Variants in BRI3 observed in about 807,000 individuals in gnomAD.
BRI3 encodes brain protein I3, also known as membrane protein BRI3.
In BRI3, 6 loss-of-function variants were observed where a neutral mutation model predicts 12.8. The ratio of observed to expected loss-of-function variants is 0.47; its 90% CI spans 0.26 to 0.93. The LOEUF is 0.93. Among genes scored for constraint, BRI3 ranks in the 40% least tolerant of loss-of-function variants. BRI3 has a pLI of 0.15. For synonymous variants in BRI3, 91 were observed against 76.1 expected (o/e 1.20, Z -1.02); for missense variants, 134 against 171.1 (o/e 0.78, Z 1.21).
At chr7:98,303,519 T>G (rs1210661368), upstream of BRI3, among the ~76,000 whole-genome samples, 1 of 152,104 alleles carries the variant, frequency 6.6e-6, no homozygotes, top group African/African-American at 2.4e-5. Context: ...GTGTCAGTGT[T>G]TTTGTTTATT....
rs1800700332 is a variant in BRI3, at chr7:98,307,425, A to C, written n.145-90A>C. 16 of 1,310,278 alleles carry C rather than the reference A, an allele frequency of 1.2e-5. No individual in the cohort carries two copies. In the South Asian group the frequency reaches 2.4e-4, roughly 20 times the overall value. The allele number at this position is 1,310,278 out of a possible 1,614,324, so 81.2% of individuals were successfully genotyped here. A position where few individuals can be genotyped will look rare whatever the true frequency, so the allele number is the denominator to read the frequency against. ...TGGCCAAATGCTAAATTTTTTTTAA[A>C]AACAAAAGAATGTTTAAACTACTTT... On this transcript the variant is annotated intron_variant and non_coding_transcript_variant, in intron 1 of 1. Coordinates refer to the BRI3 transcript ENST00000485422.
chr7:98,286,262 GC>G (rs962087589), intron 2 of BRI3, among the ~76,000 whole-genome samples: 1 of 152,224 alleles, frequency 6.6e-6, no homozygotes, highest in African/African-American at 2.4e-5. Context: ...CCTGCTGCCA[GC>G]CCCCTCTGTC....
chr7:98,282,575 G>C (rs1799562716), intron 2 of BRI3, 122 bp downstream of exon 2: 2 of 775,832 alleles, frequency 2.6e-6, no homozygotes, highest in Non-Finnish European at 4.3e-6. Flanking sequence ...CTTGACCAGA[G>C]CCCTTTATGG....
downstream of BRI3, chr7:98,293,942 C>A (rs1231137888): frequency 1.6e-5 from 17 of 1,068,108 alleles, no homozygotes; most frequent in East Asian, 7.2e-5. Context: ...GGGCTGCACT[C>A]CCCCATGGCT....
At chr7:98,289,207 C>A (rs1473730102) in intron 2 of BRI3, among the ~76,000 whole-genome samples, 1 of 152,218 alleles carries the variant, frequency 6.6e-6, no homozygotes, top group East Asian at 1.9e-4. Context: ...ATCCACCCAC[C>A]TCGGCCTCCC....
chr7:98,315,289 T>TG (rs1309869832), downstream of BRI3, among the ~76,000 whole-genome samples: 1 of 148,662 alleles, frequency 6.7e-6, no homozygotes, highest in Non-Finnish European at 1.5e-5. Flanking sequence ...GCCTGGCTAG[T>TG]TTTTTTTTTA....
intron 1 of BRI3, among the ~76,000 whole-genome samples, chr7:98,300,019 C>T (rs941893311): frequency 4.6e-5 from 7 of 152,094 alleles, no homozygotes; most frequent in Admixed American, 1.3e-4. Flanking sequence ...CCAGCCTGGG[C>T]GACAGAGCAA....
chr7:98,315,625 AAATAAT>A, the BRI3 span: 151 of 1,131,252 alleles, frequency 1.3e-4, no homozygotes, highest in East Asian at 3.6e-3. Flanking sequence ...AAAAAAAAAA[AAATAAT>A]AATAATAATA....
At chr7:98,317,000 C>G in the BRI3 span, among the ~76,000 whole-genome samples, 3 of 151,542 alleles carry the variant, frequency 2.0e-5, no homozygotes, top group Admixed American at 6.6e-5. Flanking sequence ...GTAGCTGTGA[C>G]TACAGGTACC....
chr7:98,293,826 G>A (rs896286449), downstream of BRI3, among the ~76,000 whole-genome samples: 1 of 152,222 alleles, frequency 6.6e-6, no homozygotes, highest in African/African-American at 2.4e-5. Flanking sequence ...CTGGACGTGG[G>A]CACCCACACC....
At chr7:98,317,470 C>A in the BRI3 span, 1 of 1,339,840 alleles carries the variant, frequency 7.5e-7, no homozygotes, top group Admixed American at 1.9e-5. Flanking sequence ...GACACCCTCA[C>A]TTCACACCAT....
downstream of BRI3, chr7:98,293,505 G>A (rs747419847): frequency 1.2e-6 from 2 of 1,610,334 alleles, no homozygotes. Context: ...GCCCGGGAGA[G>A]TCCTTGGCTG....
At chr7:98,307,207 G>A (rs915708018) in intron 1 of BRI3, 4 of 193,970 alleles carry the variant, frequency 2.1e-5, no homozygotes, top group African/African-American at 7.1e-5. Context: ...GCGCCTCCCA[G>A]GTTCAATCCT....
chr7:98,306,608 G>T, exon 1 of BRI3: 1 of 1,575,018 alleles, frequency 6.3e-7, no homozygotes, highest in Non-Finnish European at 8.7e-7. Context: ...AGGGCAGACA[G>T]GTCCACTGCT....
chr7:98,298,010 TGCCTGAGGTCAGGAGTTCAAGACCA>T (rs1800261219), intron 1 of BRI3, among the ~76,000 whole-genome samples: 1 of 148,870 alleles, frequency 6.7e-6, no homozygotes, highest in African/African-American at 2.5e-5. Context: ...GCAGGAGGAC[TGCCTGAGGTCAGGAGTTCAAGACCA>T]GCCTGGGCAA....
downstream of BRI3, among the ~76,000 whole-genome samples, chr7:98,313,431 A>C (rs2116881685): frequency 6.6e-6 from 1 of 152,134 alleles, no homozygotes; most frequent in East Asian, 1.9e-4. Flanking sequence ...CACGGTGGGG[A>C]TATCACGCAG....
upstream of BRI3, among the ~76,000 whole-genome samples, chr7:98,302,524 AG>A (rs1203429382): frequency 6.6e-6 from 1 of 152,232 alleles, no homozygotes; most frequent in African/African-American, 2.4e-5. Context: ...CAAGCAAAAC[AG>A]CAACAGACTC....
At chr7:98,317,897 C>T in the BRI3 span, among the ~76,000 whole-genome samples, 1 of 148,690 alleles carries the variant, frequency 6.7e-6, no homozygotes. Context: ...CATCTGCATG[C>T]TGGCTGGGAC....
chr7:98,289,482 G>A (rs1799824919), intron 2 of BRI3, among the ~76,000 whole-genome samples: 1 of 152,224 alleles, frequency 6.6e-6, no homozygotes, highest in African/African-American at 2.4e-5. Flanking sequence ...AGATGGCCAA[G>A]TTTTCTCCCC....
Sources: gnomAD v4.1 joint callset for allele counts (sites outside exome capture counted in the v4.1 genomes callset) on GRCh38, gnomAD v4.1.1 for gene constraint, MANE v1.5 for transcripts, NCBI Gene and HGNC (gene_info 2026-07-23, HGNC 2026-07-21) for gene names.